SORCS3: variants seen among roughly 807,000 people sequenced by gnomAD.
SORCS3 encodes the protein VPS10 domain-containing receptor SorCS3.
A neutral mutation model predicts 146.3 loss-of-function variants in SORCS3; 57 were observed. The observed-to-expected ratio is 0.39, with a 90% CI of 0.31 to 0.49. The LOEUF (loss-of-function observed/expected upper bound fraction) is 0.49. Among genes scored for constraint, SORCS3 ranks in the 20% least tolerant of loss-of-function variants. The probability of loss-of-function intolerance (pLI) is 0.92; values close to 1 mark genes in which losing one functional copy is unlikely to be tolerated. For synonymous variants in SORCS3, 653 were observed against 618.5 expected (o/e 1.06, Z -0.83); for missense variants, 1,341 against 1,575.5 (o/e 0.85, Z 2.52).
At chr10:105,211,898 C>T (rs902505507) in intron 17 of SORCS3, among the ~76,000 whole-genome samples, 10 of 152,170 alleles carry the variant, frequency 6.6e-5, no homozygotes, top group African/African-American at 2.4e-4. Context: ...ATGTGCCTAT[C>T]AATCATCTGG....
chr10:104,904,438 C>G (rs1194894683), intron 2 of SORCS3, among the ~76,000 whole-genome samples: 1 of 152,000 alleles, frequency 6.6e-6, no homozygotes, highest in Non-Finnish European at 1.5e-5. Context: ...TGAATCTATT[C>G]TAGGGAAACA....
In SORCS3 at chr10:105,247,516, A is replaced by G. The variant is rs554125651; in HGVS notation, c.3105+185A>G. Among the ~76,000 whole-genome samples, 3 of 152,286 alleles carry G rather than the reference A, an allele frequency of 2.0e-5. No individual in the cohort carries two copies. In the South Asian group the frequency reaches 6.2e-4, roughly 32 times the overall value. ...TGTCATCCCAGCACTTTGGGAGGCC[A>G]AGGCAGGCAGATCACTTGAGACCAG... is the stretch of plus-strand genomic sequence containing the variant. On this transcript the variant is annotated intron_variant, in intron 22 of 26. Coordinates refer to ENST00000369701, the MANE Select transcript of SORCS3 (RefSeq NM_014978.3).
intron 14 of SORCS3, among the ~76,000 whole-genome samples, chr10:105,181,006 C>A (rs1008575919): frequency 1.3e-5 from 2 of 152,158 alleles, no homozygotes; most frequent in Non-Finnish European, 2.9e-5. Context: ...ACCCTTAAGA[C>A]AGACATGTGG....
rs117227298 is a variant in SORCS3, at chr10:105,108,326, G to A, written c.1212+2811G>A. Among the ~76,000 whole-genome samples the A allele has an allele frequency of 2.9e-3, 442 of 152,262 alleles. 1 individual carries two copies. The highest frequency in any genetic ancestry group is 6.8e-3 in the Middle Eastern group (2 of 294). ...GGGTTCAGGAGCGGGGGTTCGTCAT[G>A]GAGCAGTTGCAGCTGAGTGTATCCA... On this transcript the variant is annotated intron_variant, in intron 7 of 26. Transcript: ENST00000369701.
At chr10:104,653,593 G>C (rs1407028799) in intron 1 of SORCS3, among the ~76,000 whole-genome samples, 4 of 152,064 alleles carry the variant, frequency 2.6e-5, no homozygotes, top group African/African-American at 9.7e-5. Context: ...AAAAGATCCA[G>C]GCTTAGATGA....
At chr10:105,078,297 G>A (rs1025509896) in intron 5 of SORCS3, among the ~76,000 whole-genome samples, 19 of 152,044 alleles carry the variant, frequency 1.2e-4, no homozygotes, top group Non-Finnish European at 2.8e-4. Flanking sequence ...AAATGCACAG[G>A]GAGGCACGGT....
Position 105,139,135 on chromosome 10 carries a change from G to C in SORCS3, c.1213-262G>C, listed in dbSNP as rs1324237634. ...AGGTATGTGCCATGTGCAGAGCACA[G>C]TGACCAAATAGAGTCAGTCTCTGTT... On this transcript the variant is annotated intron_variant, in intron 7 of 26. Coordinates refer to ENST00000369701, the MANE Select transcript of SORCS3 (RefSeq NM_014978.3). Among the ~76,000 whole-genome samples the C allele has an allele frequency of 3.3e-5, 5 of 152,378 alleles. No homozygotes were observed. In the East Asian group the frequency reaches 9.6e-4, roughly 29 times the overall value.
At chr10:105,059,259 C>G (rs2055466730) in intron 5 of SORCS3, among the ~76,000 whole-genome samples, 1 of 152,144 alleles carries the variant, frequency 6.6e-6, no homozygotes, top group African/African-American at 2.4e-5. Flanking sequence ...AAGGGTTGTT[C>G]CAACCAATGA....
intron 1 of SORCS3, among the ~76,000 whole-genome samples, chr10:104,731,130 G>T (rs529633849): frequency 2.9e-4 from 44 of 152,294 alleles, no homozygotes; most frequent in African/African-American, 1.0e-3. Flanking sequence ...CTGGTTGTCT[G>T]GTGTCTCCGC....
intron 1 of SORCS3, among the ~76,000 whole-genome samples, chr10:104,701,328 G>T (rs931671526): frequency 6.6e-6 from 1 of 152,216 alleles, no homozygotes; most frequent in African/African-American, 2.4e-5. Flanking sequence ...TAGTACATAG[G>T]AGGGTTAAGA....
chr10:104,805,920 G>C (rs181206003), intron 1 of SORCS3, among the ~76,000 whole-genome samples: 1 of 151,980 alleles, frequency 6.6e-6, no homozygotes, highest in Admixed American at 6.6e-5. Flanking sequence ...GCGTGTGTAA[G>C]TCGTAGTATT....
intron 5 of SORCS3, among the ~76,000 whole-genome samples, chr10:105,069,485 T>G (rs1005326599): frequency 3.9e-5 from 6 of 152,188 alleles, no homozygotes; most frequent in Non-Finnish European, 8.8e-5. Flanking sequence ...ATCTACCTCA[T>G]AGAGTTGCTG....
At chr10:104,941,546 C>T (rs1408508272) in intron 3 of SORCS3, among the ~76,000 whole-genome samples, 1 of 152,104 alleles carries the variant, frequency 6.6e-6, no homozygotes, top group African/African-American at 2.4e-5. Context: ...TCAAGGCCAC[C>T]AGCTTTGTTC....
chr10:105,104,032 G>A (rs1243282117), intron 6 of SORCS3, among the ~76,000 whole-genome samples: 2 of 152,246 alleles, frequency 1.3e-5, no homozygotes, highest in Non-Finnish European at 2.9e-5. Flanking sequence ...TACTTAAACA[G>A]AGATCATTTA....
intron 1 of SORCS3, among the ~76,000 whole-genome samples, chr10:104,767,975 A>G (rs1189574964): frequency 6.6e-6 from 1 of 152,126 alleles, no homozygotes; most frequent in African/African-American, 2.4e-5. Context: ...AGTGCATACT[A>G]AGGGATCTAG....
At chr10:105,147,381 G>C (rs796212211) in intron 8 of SORCS3, among the ~76,000 whole-genome samples, 2 of 152,092 alleles carry the variant, frequency 1.3e-5, no homozygotes, top group African/African-American at 2.4e-5. Context: ...ATCCTTGAAA[G>C]CCATGGGAAA....
intron 14 of SORCS3, among the ~76,000 whole-genome samples, chr10:105,196,158 A>G (rs923108372): frequency 6.6e-6 from 1 of 152,216 alleles, no homozygotes; most frequent in Non-Finnish European, 1.5e-5. Context: ...GACCAACAAC[A>G]TGGACATTCT....
chr10:104,978,877 C>A (rs1217456122), intron 4 of SORCS3, among the ~76,000 whole-genome samples: 1 of 152,190 alleles, frequency 6.6e-6, no homozygotes, highest in Non-Finnish European at 1.5e-5. Context: ...GTAGATATTA[C>A]CAGCCCCTGC....
intron 1 of SORCS3, among the ~76,000 whole-genome samples, chr10:104,740,004 A>T (rs1165569563): frequency 6.6e-6 from 1 of 152,198 alleles, no homozygotes; most frequent in African/African-American, 2.4e-5. Flanking sequence ...AAAGACCTGG[A>T]CCACAAAATA....
Sources: gnomAD v4.1 joint callset for allele counts (sites outside exome capture counted in the v4.1 genomes callset) on GRCh38, gnomAD v4.1.1 for gene constraint, MANE v1.5 for transcripts, NCBI Gene and HGNC (gene_info 2026-07-23, HGNC 2026-07-21) for gene names.